CD163L1: variants seen among roughly 807,000 people sequenced by gnomAD.
The protein encoded by CD163L1 is CD163 molecule like 1.
Under a neutral mutation model 165.4 loss-of-function variants are expected in CD163L1, and 124 were observed. The observed-to-expected ratio is 0.75, with a 90% CI of 0.65 to 0.87. The LOEUF is 0.87. Among genes scored for constraint, CD163L1 ranks in the 40% least tolerant of loss-of-function variants. CD163L1 has a pLI of 0.00. For missense variants in CD163L1, 1,525 were observed against 1,799.9 expected, an observed-to-expected ratio of 0.85 and a Z score of 2.76; for synonymous variants, 585 against 662.2, an observed-to-expected ratio of 0.88 and a Z score of 1.79.
intron 2 of CD163L1, among the ~76,000 whole-genome samples, 197 bp from the exon 3 acceptor site, chr12:7,433,891 G>A: frequency 6.6e-6 from 1 of 152,176 alleles, no homozygotes; most frequent in East Asian, 1.9e-4. Context: ...CCACATTGCA[G>A]CATAGTTTTG....
chr12:7,404,431 A>T (rs1183006335), intron 5 of CD163L1, among the ~76,000 whole-genome samples: 1 of 152,190 alleles, frequency 6.6e-6, no homozygotes, highest in Non-Finnish European at 1.5e-5. Context: ...TGTCATAGGA[A>T]ATGAAATTTG....
chr12:7,323,435 C>G, the CD163L1 span: 1 of 1,610,230 alleles, frequency 6.2e-7, no homozygotes, highest in Non-Finnish European at 8.5e-7. Flanking sequence ...ATTTTAAGAC[C>G]ATCAATTATT....
At chr12:7,380,387 A>ATACGCGTATACATACATGTATGTGTGTG (rs1947370778) in intron 8 of CD163L1, among the ~76,000 whole-genome samples, 7 of 141,434 alleles carry the variant, frequency 4.9e-5, no homozygotes, top group East Asian at 2.1e-4. Context: ...GTATGTGTGT[A>ATACGCGTATACATACATGTATGTGTGTG]TATGCGTATA....
At chr12:7,322,619 G>GC in the CD163L1 span, 8 of 1,502,838 alleles carry the variant, frequency 5.3e-6, no homozygotes, top group African/African-American at 1.1e-4. Flanking sequence ...CCCCTGAAGT[G>GC]CCCCCATCCC....
intron 2 of CD163L1, among the ~76,000 whole-genome samples, chr12:7,436,626 G>GCTGGGT (rs1385697935): frequency 1.3e-5 from 2 of 151,956 alleles, no homozygotes; most frequent in Non-Finnish European, 2.9e-5. Context: ...TTTTTAATTA[G>GCTGGGT]CTGGGTATAG....
intron 18 of CD163L1, among the ~76,000 whole-genome samples, chr12:7,361,571 G>C (rs1191608658): frequency 6.6e-6 from 1 of 152,136 alleles, no homozygotes; most frequent in Non-Finnish European, 1.5e-5. Flanking sequence ...ACTAGGGCTA[G>C]GGTGAAGACA....
At chr12:7,334,087 C>T in the CD163L1 span, among the ~76,000 whole-genome samples, 1 of 148,712 alleles carries the variant, frequency 6.7e-6, no homozygotes, top group African/African-American at 2.5e-5. Context: ...ACCATTCCTT[C>T]TGAAACTATT....
downstream of CD163L1, among the ~76,000 whole-genome samples, chr12:7,341,986 T>G (rs1946640458): frequency 6.6e-6 from 1 of 152,172 alleles, no homozygotes; most frequent in African/African-American, 2.4e-5. Context: ...TTTTAGTCAG[T>G]TCAAATCTCA....
chr12:7,396,480 G>T, intron 7 of CD163L1, 65 bp from the exon 8 acceptor site: 1 of 1,440,484 alleles, frequency 6.9e-7, no homozygotes, highest in Non-Finnish European at 9.3e-7. Flanking sequence ...TGTCAACTTG[G>T]CTGGACTATG....
intron 4 of CD163L1, among the ~76,000 whole-genome samples, chr12:7,409,109 C>T (rs755014989): frequency 1.9e-4 from 29 of 152,144 alleles, no homozygotes; most frequent in Non-Finnish European, 4.0e-4. Context: ...GAGATTATCA[C>T]AGTGTTATGT....
At chr12:7,410,186 A>T (rs1948106727) in intron 4 of CD163L1, among the ~76,000 whole-genome samples, 1 of 152,230 alleles carries the variant, frequency 6.6e-6, no homozygotes, top group Admixed American at 6.5e-5. Flanking sequence ...AGACAAAATC[A>T]CAGGAAATGC....
chr12:7,373,981 G>A (rs1160219098), intron 13 of CD163L1, among the ~76,000 whole-genome samples: 2 of 152,236 alleles, frequency 1.3e-5, no homozygotes, highest in Non-Finnish European at 2.9e-5. Flanking sequence ...AGAGGATACA[G>A]TTATGGGTTC....
At chr12:7,361,234 G>A (rs1946884206) in intron 18 of CD163L1, among the ~76,000 whole-genome samples, 1 of 152,034 alleles carries the variant, frequency 6.6e-6, no homozygotes, top group Admixed American at 6.6e-5. Flanking sequence ...AGGTAAACCT[G>A]GTACTTGTAT....
In CD163L1 at chr12:7,369,063, C is replaced by A; in HGVS notation, c.4040-98G>T. 2.3e-6 allele frequency: 3 copies of A among 1,303,644 alleles called. No homozygotes were observed. Among genetic ancestry groups the A allele is most frequent in the Non-Finnish European group, 3.2e-6 (3 of 923,592 alleles). The allele number at this position is 1,303,644 out of a possible 1,614,324, so 80.8% of individuals were successfully genotyped here. ...CGATTATCGGATGTCATTTAAATAT[C>A]CTTTTAACATCTCCTGTGAATACTG... On this transcript the variant is annotated intron_variant, in intron 15 of 19. Transcript: ENST00000313599. This position sits in a 1 kb window ranked among gnomAD's most constrained non-coding sequence, Gnocchi z 4.9.
In CD163L1 at chr12:7,369,538, C is replaced by T; in HGVS notation, c.3858G>A (p.Gln1286=). 1 of 1,614,198 alleles carries T rather than the reference C, an allele frequency of 6.2e-7. No homozygotes were observed. Among genetic ancestry groups the T allele is most frequent in the Non-Finnish European group, 8.5e-7 (1 of 1,180,040 alleles). ...DLAEAEVVCQ[Q]LGCGSALAAL... ...CAGCCAGAGCAGAGCCACAGCCCAG[C>T]TGCTGACACACCACTTCCGCCTCGG... The change falls in exon 15 of 20, where the codon CAG becomes CAA. Residue 1286 remains glutamine (Q), a synonymous_variant. Transcript: ENST00000313599. The surrounding 1 kb of genome is among the most constrained non-coding windows in gnomAD (Gnocchi z 4.9).
rs1485696480 is a variant in CD163L1, at chr12:7,347,526, T to A, written c.*25-379A>T. Among the ~76,000 whole-genome samples the A allele has an allele frequency of 6.6e-6, 1 of 152,160 alleles. No individual in the cohort carries two copies. Among genetic ancestry groups the A allele is most frequent in the African/African-American group, 2.4e-5 (1 of 41,440 alleles). On this transcript the variant is annotated intron_variant, in intron 4 of 4. Transcript: ENST00000539726. The surrounding 1 kb of genome is among the most constrained non-coding windows in gnomAD (Gnocchi z 4.2). ...CGGGCGCGGTGGCTCACGCTTGTAA[T>A]CCCAGCACTTTGGGAGGCCGAGGCA...
chr12:7,364,674 C>T (rs1302347516), intron 18 of CD163L1, among the ~76,000 whole-genome samples: 1 of 151,834 alleles, frequency 6.6e-6, no homozygotes, highest in Non-Finnish European at 1.5e-5. Context: ...AATCAAAAAG[C>T]AATCCAATTT....
At chr12:7,387,975 T>A (rs185734254) in intron 8 of CD163L1, among the ~76,000 whole-genome samples, 195 of 152,296 alleles carry the variant, frequency 1.3e-3, no homozygotes, top group African/African-American at 4.2e-3. Context: ...AATAAGTCCA[T>A]GTATTTGTAG....
intron 4 of CD163L1, among the ~76,000 whole-genome samples, chr12:7,418,075 A>C (rs1273714109): frequency 6.6e-6 from 1 of 152,094 alleles, no homozygotes; most frequent in Non-Finnish European, 1.5e-5. Context: ...ACAACTGCAG[A>C]ATATGCATTC....
Sources: gnomAD v4.1 joint callset for allele counts (sites outside exome capture counted in the v4.1 genomes callset) on GRCh38, gnomAD v4.1.1 for gene constraint, Gnocchi (gnomAD v3.1) non-coding constraint, MANE v1.5 for transcripts, NCBI Gene and HGNC (gene_info 2026-07-23, HGNC 2026-07-21) for gene names.